Variants in CACNA2D3 observed in about 807,000 individuals in gnomAD.
The protein encoded by CACNA2D3 is calcium voltage-gated channel auxiliary subunit alpha2delta 3.
A neutral mutation model predicts 160.6 loss-of-function variants in CACNA2D3; 60 were observed. The ratio of observed to expected loss-of-function variants is 0.37; its 90% CI spans 0.30 to 0.46. The LOEUF (loss-of-function observed/expected upper bound fraction) is 0.46. Among genes scored for constraint, CACNA2D3 ranks in the 20% least tolerant of loss-of-function variants. The pLI, the probability that CACNA2D3 is intolerant of heterozygous loss-of-function variation, is 1.00. For missense variants in CACNA2D3, 1,205 were observed against 1,365.0 expected, an observed-to-expected ratio of 0.88 and a Z score of 1.85; for synonymous variants, 558 against 492.9, an observed-to-expected ratio of 1.13 and a Z score of -1.75.
At chr3:54,274,699 G>A (rs1217740375) in intron 2 of CACNA2D3, among the ~76,000 whole-genome samples, 1 of 152,194 alleles carries the variant, frequency 6.6e-6, no homozygotes, top group Non-Finnish European at 1.5e-5. Context: ...CTGCACTCAA[G>A]GTGTCAGCGG....
intron 4 of CACNA2D3, among the ~76,000 whole-genome samples, chr3:54,451,229 C>CTTA (rs1700301803): frequency 5.8e-5 from 3 of 51,754 alleles, no homozygotes; most frequent in Admixed American, 3.4e-4. Context: ...ATATAATAAT[C>CTTA]TTTTTTTTTT....
chr3:54,934,110 G>A (rs1455090864), intron 27 of CACNA2D3, among the ~76,000 whole-genome samples: 1 of 152,142 alleles, frequency 6.6e-6, no homozygotes, highest in Non-Finnish European at 1.5e-5. Context: ...TACAAAACAG[G>A]GACGGAGAAG....
At chr3:54,590,964 G>A (rs145080234) in intron 9 of CACNA2D3, among the ~76,000 whole-genome samples, 121 of 152,194 alleles carry the variant, frequency 8.0e-4, no homozygotes, top group African/African-American at 1.8e-3. Flanking sequence ...TGTTCTTACC[G>A]TATGTGTCTT....
At chr3:54,309,858 G>A (rs78370767) in intron 2 of CACNA2D3, among the ~76,000 whole-genome samples, 2,264 of 152,044 alleles carry the variant, frequency 0.015, 53 homozygotes, top group African/African-American at 0.05. Context: ...CCCTCAAGCC[G>A]GATCCATTTG....
At chr3:54,737,493 G>A (rs554225638) in intron 11 of CACNA2D3, among the ~76,000 whole-genome samples, 1 of 152,244 alleles carries the variant, frequency 6.6e-6, no homozygotes, top group Non-Finnish European at 1.5e-5. Context: ...GGTGTCAAAG[G>A]AATTTTTTAC....
intron 4 of CACNA2D3, among the ~76,000 whole-genome samples, chr3:54,481,586 A>G (rs1700933419): frequency 6.6e-6 from 1 of 152,218 alleles, no homozygotes; most frequent in East Asian, 1.9e-4. Context: ...CCCAGGCTTT[A>G]CATCTTTTTC....
At chr3:54,986,259 A>G (rs1702610560) in intron 30 of CACNA2D3, among the ~76,000 whole-genome samples, 1 of 152,152 alleles carries the variant, frequency 6.6e-6, no homozygotes, top group Non-Finnish European at 1.5e-5. Context: ...AGCCATGGCC[A>G]CTACAGATTC....
intron 8 of CACNA2D3, among the ~76,000 whole-genome samples, chr3:54,576,256 C>T (rs1206694292): frequency 1.3e-5 from 2 of 152,170 alleles, no homozygotes; most frequent in East Asian, 3.9e-4. Context: ...TTATCCAGAG[C>T]CCAAAGTCAG....
chr3:55,026,605 T>A (rs1165175746), intron 35 of CACNA2D3, among the ~76,000 whole-genome samples: 1 of 152,170 alleles, frequency 6.6e-6, no homozygotes. Flanking sequence ...AAGTTGGGTA[T>A]GCACACCCGG....
chr3:54,693,411 T>G (rs963835989), intron 11 of CACNA2D3, among the ~76,000 whole-genome samples: 2 of 152,242 alleles, frequency 1.3e-5, no homozygotes, highest in African/African-American at 4.8e-5. Flanking sequence ...GTGATGCTGG[T>G]GTAAACAAGG....
chr3:54,885,473 C>T lies in CACNA2D3; in HGVS notation c.1959-16C>T, dbSNP rs775734167. On this transcript the variant is annotated splice_polypyrimidine_tract_variant and intron_variant, in intron 22 of 37. Transcript: ENST00000474759. ...ATATTGACATGCTCTTGTTTTGGGC[C>T]ATGTCATGTTCTTAGGTCCTACTGC... 32 of 1,609,434 alleles carry T rather than the reference C, an allele frequency of 2.0e-5. No individual in the cohort carries two copies. In the Admixed American group the frequency reaches 2.0e-4, roughly 10 times the overall value.
rs1701939418 is a variant in CACNA2D3 at position 54,754,723 on chromosome 3, C to T, written c.1246+2046C>T. Among the ~76,000 whole-genome samples, 3 of 152,272 alleles carry T rather than the reference C, an allele frequency of 2.0e-5. No homozygotes were observed. The South Asian group carries it at 6.2e-4, about 32-fold the overall frequency. On this transcript the variant is annotated intron_variant, in intron 12 of 37. Transcript: ENST00000474759. ...TCAGTGGTCTGCTTTAAATGGGTCT[C>T]CTAAGCCATCCTTCATAAAAGTTCC...
intron 11 of CACNA2D3, among the ~76,000 whole-genome samples, chr3:54,751,483 TTGAG>T (rs1484560189): frequency 6.6e-6 from 1 of 152,168 alleles, no homozygotes; most frequent in African/African-American, 2.4e-5. Flanking sequence ...TCTTCATGTA[TTGAG>T]TATCAATGTT....
intron 11 of CACNA2D3, among the ~76,000 whole-genome samples, chr3:54,652,336 C>T (rs1699785288): frequency 1.3e-5 from 2 of 152,146 alleles, no homozygotes; most frequent in South Asian, 2.1e-4. Flanking sequence ...TAATGGAGCC[C>T]AGGAGTAGGG....
At chr3:54,672,410 G>T (rs1299734038) in intron 11 of CACNA2D3, among the ~76,000 whole-genome samples, 3 of 152,126 alleles carry the variant, frequency 2.0e-5, no homozygotes, top group African/African-American at 4.8e-5. Context: ...ATCCTACCCT[G>T]CAAGTTCTAA....
At chr3:54,696,692 G>A (rs1365634156) in intron 11 of CACNA2D3, among the ~76,000 whole-genome samples, 1 of 152,150 alleles carries the variant, frequency 6.6e-6, no homozygotes, top group African/African-American at 2.4e-5. Flanking sequence ...AAACCCAGTT[G>A]TCCTGTGGTT....
At chr3:54,626,216 T>C (rs1182194984) in intron 9 of CACNA2D3, 3 of 881,034 alleles carry the variant, frequency 3.4e-6, no homozygotes, top group Non-Finnish European at 5.6e-6. Flanking sequence ...TCCGGCAAGA[T>C]GGCAGAAGTA....
intron 3 of CACNA2D3, among the ~76,000 whole-genome samples, chr3:54,386,382 A>C (rs190475060): frequency 1.4e-4 from 21 of 152,336 alleles, no homozygotes; most frequent in African/African-American, 4.3e-4. Context: ...TTCTATACCT[A>C]AGGAATGCAC....
intron 9 of CACNA2D3, among the ~76,000 whole-genome samples, chr3:54,595,712 G>T (rs1702942091): frequency 6.6e-6 from 1 of 152,160 alleles, no homozygotes; most frequent in East Asian, 1.9e-4. Flanking sequence ...GAGCTTTGGG[G>T]TAGCACTAGT....
Sources: allele counts gnomAD v4.1 joint callset (sites outside exome capture counted in the v4.1 genomes callset), GRCh38; gene constraint gnomAD v4.1.1; transcripts MANE v1.5; gene names NCBI Gene and HGNC (gene_info 2026-07-23, HGNC 2026-07-21).